The following ARL13B variants were observed in gnomAD, a reference collection of about 807,000 sequenced individuals.
The protein encoded by ARL13B is ADP-ribosylation factor-like protein 13B.
A neutral mutation model predicts 56.1 loss-of-function variants in ARL13B; 36 were observed. The ratio of observed to expected loss-of-function variants is 0.64; its 90% CI spans 0.49 to 0.85. ARL13B has a LOEUF of 0.85. Ranked by LOEUF, ARL13B falls within the 40% of genes least tolerant of loss-of-function variation. The probability of loss-of-function intolerance (pLI) is 0.00; values close to 1 mark genes in which losing one functional copy is unlikely to be tolerated. For missense variants in ARL13B, 519 were observed against 507.1 expected (o/e 1.02, Z -0.23); for synonymous variants, 178 against 171.1 (o/e 1.04, Z -0.32).
At chr3:94,004,861 T>C (rs1431994993) in intron 3 of ARL13B, among the ~76,000 whole-genome samples, 1 of 152,110 alleles carries the variant, frequency 6.6e-6, no homozygotes, top group Non-Finnish European at 1.5e-5. Flanking sequence ...TTTTATTGAA[T>C]CTAAAGGAGA....
intron 3 of ARL13B, among the ~76,000 whole-genome samples, chr3:94,029,353 T>TTTA (rs2076631803): frequency 5.2e-5 from 6 of 115,990 alleles, no homozygotes; most frequent in Admixed American, 4.2e-4. Context: ...TTTTTTATTT[T>TTTA]TTTTTTTTTT....
chr3:94,052,669 T>A (rs1375542656), intron 9 of ARL13B, among the ~76,000 whole-genome samples: 1 of 152,146 alleles, frequency 6.6e-6, no homozygotes, highest in Non-Finnish European at 1.5e-5. Context: ...AGGCTTCATA[T>A]ATGTGGTAAG....
chr3:94,019,005 A>G (rs2076392547), intron 3 of ARL13B, among the ~76,000 whole-genome samples: 1 of 152,110 alleles, frequency 6.6e-6, no homozygotes. Context: ...ATCTCAGGCG[A>G]TCCGCCCTCT....
At chr3:94,024,229 A>C (rs1182749159) in intron 3 of ARL13B, among the ~76,000 whole-genome samples, 1 of 152,186 alleles carries the variant, frequency 6.6e-6, no homozygotes, top group Non-Finnish European at 1.5e-5. Flanking sequence ...TTGACTATGA[A>C]TTCTTAAAAA....
In ARL13B at chr3:93,980,157, T is replaced by G; in HGVS notation, c.-267T>G. On this transcript the variant is annotated 5_prime_UTR_variant, in exon 1 of 10. Transcript: ENST00000394222. Reference sequence around the variant, plus strand: ...TAACGTCAGCACGTCGACGCGGGGCTTTTCTTTAGCCGGGTCCCGCTAACT... The same window carrying G: ...TAACGTCAGCACGTCGACGCGGGGCGTTTCTTTAGCCGGGTCCCGCTAACT... 3.2e-6 allele frequency: 2 copies of G among 623,644 alleles called. No individual in the cohort carries two copies. The highest frequency in any genetic ancestry group is 2.3e-5 in the Admixed American group (1 of 43,162). The allele number at this position is 623,644 out of a possible 1,614,324, so 38.6% of individuals were successfully genotyped here.
Position 94,039,926 on chromosome 3 carries a change from C to G in ARL13B, c.736C>G (p.Leu246Val). Residue 246 changes from leucine (L) to valine (V), a missense_variant, in exon 6 of 10, where the codon CTG (leucine) becomes GTG (valine). Transcript: ENST00000394222. ...GGCTGAACTCGATGGAACCAGTGGT[C>G]TGGCTGAGTTGGACCCAGAACCAAC... is the stretch of plus-strand genomic sequence containing the variant. ...EQAELDGTSGLAELDPEPTNP... is the reference protein window; with the variant it reads ...EQAELDGTSGVAELDPEPTNP... 1 of 1,614,114 alleles carries G rather than the reference C, an allele frequency of 6.2e-7. No individual in the cohort carries two copies. Among genetic ancestry groups the G allele is most frequent in the Non-Finnish European group, 8.5e-7 (1 of 1,180,014 alleles).
chr3:94,006,168 G>A (rs913451839), intron 3 of ARL13B, among the ~76,000 whole-genome samples: 2 of 152,070 alleles, frequency 1.3e-5, no homozygotes, highest in African/African-American at 2.4e-5. Flanking sequence ...GGGCATGCGC[G>A]CCTGTAGTCC....
At chr3:94,009,952 G>T (rs2076196646) in intron 3 of ARL13B, among the ~76,000 whole-genome samples, 1 of 152,008 alleles carries the variant, frequency 6.6e-6, no homozygotes, top group Admixed American at 6.6e-5. Context: ...CAAAATAACA[G>T]AAAAAAACTC....
intron 3 of ARL13B, among the ~76,000 whole-genome samples, chr3:94,025,599 A>G (rs2076539988): frequency 6.6e-6 from 1 of 152,184 alleles, no homozygotes; most frequent in South Asian, 2.1e-4. Flanking sequence ...TCAGTAGCCT[A>G]GCTTCATTGG....
chr3:94,052,675 G>A (rs1454248046), intron 9 of ARL13B, among the ~76,000 whole-genome samples: 1 of 152,100 alleles, frequency 6.6e-6, no homozygotes, highest in African/African-American at 2.4e-5. Context: ...CATATATGTG[G>A]TAAGATGTCT....
chr3:93,980,181 C>T lies in ARL13B; in HGVS notation c.-243C>T, dbSNP rs560300796. On this transcript the variant is annotated 5_prime_UTR_variant, in exon 1 of 10. Coordinates refer to ENST00000394222, the MANE Select transcript of ARL13B (RefSeq NM_001174150.2). ...CTTTTCTTTAGCCGGGTCCCGCTAA[C>T]TCGGCTACGGTGTATCTGCGTCTTT... The T allele has an allele frequency of 6.0e-6, 4 of 668,986 alleles. No individual in the cohort carries two copies. The highest frequency in any genetic ancestry group is 1.8e-5 in the African/African-American group (1 of 56,158). 41.4% of individuals were successfully genotyped at this position (668,986 alleles called of 1,614,324 possible). A position where few individuals can be genotyped will look rare whatever the true frequency, so the allele number is the denominator to read the frequency against.
intron 6 of ARL13B, among the ~76,000 whole-genome samples, chr3:94,042,045 A>T (rs1192301166): frequency 6.6e-6 from 1 of 152,198 alleles, no homozygotes; most frequent in Non-Finnish European, 1.5e-5. Flanking sequence ...CGACAGAGCG[A>T]GACTCCATCT....
chr3:94,045,676 G>C lies in ARL13B; in HGVS notation c.1024+2436G>C, dbSNP rs566656970. 4.9e-4 allele frequency among the ~76,000 whole-genome samples: 75 copies of C among 151,960 alleles called. 1 individual carries two copies. The highest frequency in any genetic ancestry group is 4.8e-3 in the South Asian group (23 of 4,812). ...TACCCAATTTAAGACATACTATAAA[G>C]TAGTGGCCGGGCACAGTGGCTCATA... On this transcript the variant is annotated intron_variant, in intron 7 of 9. Transcript: ENST00000394222.
intron 6 of ARL13B, among the ~76,000 whole-genome samples, chr3:94,042,292 A>G (rs906723800): frequency 2.0e-5 from 3 of 152,108 alleles, no homozygotes; most frequent in South Asian, 4.1e-4. Flanking sequence ...GTTTGTGACT[A>G]TATGTGACAT....
In ARL13B at chr3:94,053,886, C is replaced by A. The variant is rs1214749701; in HGVS notation, c.*623C>A. The A allele has an allele frequency of 3.2e-6, 1 of 314,436 alleles. No homozygotes were observed. The highest frequency in any genetic ancestry group is 4.4e-5 in the Admixed American group (1 of 22,542). The allele number at this position is 314,436 out of a possible 1,614,324, so 19.5% of individuals were successfully genotyped here. Reference sequence around the variant, plus strand: ...AGGTATGTTTTGTAATAGCGTTGTTCTTTAAGTGTACATCGTAATTTGACC... The same window carrying A: ...AGGTATGTTTTGTAATAGCGTTGTTATTTAAGTGTACATCGTAATTTGACC... On this transcript the variant is annotated 3_prime_UTR_variant, in exon 10 of 10. Transcript: ENST00000394222.
rs2075959141 is a variant in ARL13B at position 93,995,935 on chromosome 3, A to G, written c.121A>G (p.Ile41Val). 6.2e-7 allele frequency: 1 copy of G among 1,613,124 alleles called. No homozygotes were observed. Among genetic ancestry groups the G allele is most frequent in the Non-Finnish European group, 8.5e-7 (1 of 1,179,394 alleles). Residue 41 changes from isoleucine (I) to valine (V), a missense_variant, in exon 2 of 10, where the codon ATC becomes GTC. Coordinates refer to ENST00000394222, the MANE Select transcript of ARL13B (RefSeq NM_001174150.2). The part of the protein sequence containing the change: ...NAGKTATAKG[I>V]QGEYPEDVAP... ...TGGTAAAACCGCAACAGCAAAGGGA[A>G]TCCAAGGAGGTAAGCTGAAAACATT...
At chr3:94,039,780 A>C (rs1482763674) in intron 5 of ARL13B, 100 bp from the exon 6 acceptor site, 1 of 994,946 alleles carries the variant, frequency 1.0e-6, no homozygotes, top group East Asian at 2.6e-5. Context: ...CCAGATGTTT[A>C]AATTACTACA....
chr3:94,045,543 C>T (rs2076967799), intron 7 of ARL13B, among the ~76,000 whole-genome samples: 1 of 151,688 alleles, frequency 6.6e-6, no homozygotes, highest in South Asian at 2.1e-4. Flanking sequence ...CAAATCCCAG[C>T]ATGAGTCTTT....
chr3:94,046,044 AG>A (rs1287445237), intron 7 of ARL13B, among the ~76,000 whole-genome samples: 1 of 152,026 alleles, frequency 6.6e-6, no homozygotes, highest in African/African-American at 2.4e-5. Context: ...ATAGACACAG[AG>A]ATCAATAAAA....
Sources: gnomAD v4.1 joint callset for allele counts (sites outside exome capture counted in the v4.1 genomes callset) on GRCh38, gnomAD v4.1.1 for gene constraint, MANE v1.5 for transcripts, NCBI Gene and HGNC (gene_info 2026-07-23, HGNC 2026-07-21) for gene names.